The following CFAP74 variants were observed in gnomAD, a reference collection of about 807,000 sequenced individuals.
The protein encoded by CFAP74 is cilia- and flagella-associated protein 74.
A neutral mutation model predicts 188.9 loss-of-function variants in CFAP74; 124 were observed. The observed-to-expected ratio is 0.66, with a 90% CI of 0.57 to 0.76. The LOEUF (loss-of-function observed/expected upper bound fraction) is 0.76, where lower values mean the gene tolerates loss of function less well. CFAP74 is among the 30% of genes least tolerant of loss of function. The pLI, the probability that CFAP74 is intolerant of heterozygous loss-of-function variation, is 0.00. For missense variants in CFAP74, 2,198 were observed against 2,165.2 expected (o/e 1.02, Z -0.30); for synonymous variants, 956 against 916.7 (o/e 1.04, Z -0.77).
intron 18 of CFAP74, among the ~76,000 whole-genome samples, chr1:1,952,511 A>G (rs1654264267): frequency 6.6e-6 from 1 of 152,002 alleles, no homozygotes; most frequent in East Asian, 1.9e-4. Flanking sequence ...ACAGACCAAA[A>G]CTGTATAACA....
chr1:1,923,421 C>G lies in CFAP74; in HGVS notation c.4468G>C (p.Val1490Leu). 6.2e-7 allele frequency: 1 copy of G among 1,602,244 alleles called. No homozygotes were observed. The highest frequency in any genetic ancestry group is 8.5e-7 in the Non-Finnish European group (1 of 1,175,672). ...ATCGCTGTCAGAGACTCCACGGGCACGTCCAGGGGGTCGCCGCCCTCCACG... is the reference window on the plus strand; with the variant it reads ...ATCGCTGTCAGAGACTCCACGGGCAGGTCCAGGGGGTCGCCGCCCTCCACG... ...MFVEGGDPLD[V>L]PVESLTAIPV... The change falls in exon 36 of 39, where the codon GTG becomes CTG. Residue 1490 changes from valine to leucine, a missense_variant. Transcript: ENST00000682832. This position sits in a 1 kb window ranked among gnomAD's most constrained non-coding sequence, Gnocchi z 6.3.
rs375139206 is a variant in CFAP74, at chr1:1,987,627, C to T, written c.297-592G>A. On this transcript the variant is annotated intron_variant, in intron 4 of 38. Coordinates refer to ENST00000682832, the MANE Select transcript of CFAP74 (RefSeq NM_001304360.2). Reference sequence around the variant, plus strand: ...CGCGATCTCGGCTCACTGCAACCTCCGCCCCCCAGGTTCAAGCGATTCTGC... The same window carrying T: ...CGCGATCTCGGCTCACTGCAACCTCTGCCCCCCAGGTTCAAGCGATTCTGC... 4.3e-4 allele frequency among the ~76,000 whole-genome samples: 65 copies of T among 152,060 alleles called. 1 individual carries two copies. Among genetic ancestry groups the T allele is most frequent in the African/African-American group, 1.4e-3 (57 of 41,398 alleles).
chr1:1,950,840 G>A (rs973838509), intron 18 of CFAP74, among the ~76,000 whole-genome samples: 5 of 152,050 alleles, frequency 3.3e-5, no homozygotes, highest in African/African-American at 1.2e-4. Context: ...TTTAAACCAG[G>A]GGCCATAATT....
intron 15 of CFAP74, 122 bp downstream of exon 15, chr1:1,959,842 G>A (rs1397921882): frequency 7.7e-6 from 6 of 776,086 alleles, no homozygotes; most frequent in African/African-American, 7.5e-5. Flanking sequence ...AGGGGCCTGC[G>A]TGATCCTCAC....
At chr1:1,976,725 T>C (rs1656471983) in intron 6 of CFAP74, among the ~76,000 whole-genome samples, 1 of 152,102 alleles carries the variant, frequency 6.6e-6, no homozygotes, top group South Asian at 2.1e-4. Context: ...GTATTTTTAG[T>C]AGAGACGGGG....
chr1:1,980,452 CGA>C (rs1304502850), intron 6 of CFAP74, among the ~76,000 whole-genome samples: 1 of 145,194 alleles, frequency 6.9e-6, no homozygotes, highest in Non-Finnish European at 1.5e-5. Flanking sequence ...GACGGGTGAA[CGA>C]GAGACTGTAT....
intron 25 of CFAP74, among the ~76,000 whole-genome samples, chr1:1,933,047 G>A (rs1347440020): frequency 5.5e-5 from 8 of 144,986 alleles, no homozygotes; most frequent in Non-Finnish European, 1.1e-4. Flanking sequence ...CACCATGCCC[G>A]GCTAATTTTT....
At chr1:1,974,976 C>T (rs549123572) in intron 6 of CFAP74, among the ~76,000 whole-genome samples, 1 of 152,222 alleles carries the variant, frequency 6.6e-6, no homozygotes, top group African/African-American at 2.4e-5. Flanking sequence ...CTGGAGACTG[C>T]GAACGGTTCC....
chr1:1,940,894 C>T (rs1193220756), intron 22 of CFAP74, among the ~76,000 whole-genome samples: 3 of 152,166 alleles, frequency 2.0e-5, no homozygotes, highest in Admixed American at 6.5e-5. Flanking sequence ...GCGCGGATCA[C>T]GAGGTCAGGA....
At position 1,922,328 on chromosome 1, in the gene CFAP74, A is replaced by G; in HGVS notation, c.4879T>C (p.Tyr1627His). 1.2e-6 allele frequency: 2 copies of G among 1,605,910 alleles called. No homozygotes were observed. Among genetic ancestry groups the G allele is most frequent in the Middle Eastern group, 1.7e-4 (1 of 6,018 alleles). ...ACCTGGGCTACAAAGATGACCTTGT[A>G]GGTCTCCTTCACATCCCCCCTTAGC... ...LQLRGDVKETYKVIFVAQVLT... is the reference protein window; with the variant it reads ...LQLRGDVKETHKVIFVAQVLT... The change falls in exon 39 of 39, where the codon TAC becomes CAC. Residue 1627 changes from tyrosine to histidine, a missense_variant. By Grantham distance (83) the Tyr-to-His change is moderately conservative. Coordinates refer to ENST00000682832, the MANE Select transcript of CFAP74 (RefSeq NM_001304360.2).
At chr1:1,952,012 G>A (rs1396035654) in intron 18 of CFAP74, among the ~76,000 whole-genome samples, 3 of 152,196 alleles carry the variant, frequency 2.0e-5, no homozygotes, top group South Asian at 4.1e-4. Flanking sequence ...GGAATTCCAC[G>A]AGAAGCATAG....
chr1:1,966,546 C>T lies in CFAP74; in HGVS notation c.1246-20G>A, dbSNP rs754962202. On this transcript the variant is annotated intron_variant, in intron 11 of 38. Transcript: ENST00000682832. ...GTAGTCCTGCAGTCGGGGAGAGGAA[C>T]ATCGCAAAGACACGCTCATGACAGA... The T allele has an allele frequency of 6.6e-7, 1 of 1,510,864 alleles. No individual in the cohort carries two copies. Among genetic ancestry groups the T allele is most frequent in the South Asian group, 1.3e-5 (1 of 77,612 alleles). The allele number at this position is 1,510,864 out of a possible 1,614,324, so 93.6% of individuals were successfully genotyped here.
At chr1:1,991,843 T>A (rs530927015) in intron 1 of CFAP74, among the ~76,000 whole-genome samples, 50 of 151,952 alleles carry the variant, frequency 3.3e-4, no homozygotes, top group South Asian at 1.0e-3. Context: ...ATCGAGACTA[T>A]CCTGGCTAGC....
rs374616900 is a variant in CFAP74 at position 1,934,741 on chromosome 1, A to G, written c.3011+4114T>C. On this transcript the variant is annotated intron_variant, in intron 25 of 38. Coordinates refer to ENST00000682832, the MANE Select transcript of CFAP74 (RefSeq NM_001304360.2). ...TTAGGCTGTAGGTACACACGTGTGT[A>G]CGTGGGTGTTAGGTTGTAGGTACAC... Among the ~76,000 whole-genome samples the G allele has an allele frequency of 8.1e-5, 9 of 111,486 alleles. No homozygotes were observed. In the East Asian group the frequency reaches 1.8e-3, roughly 22 times the overall value. 73.1% of individuals were successfully genotyped at this position (111,486 alleles called of 152,430 possible).
At position 1,974,090 on chromosome 1, in the gene CFAP74, G is replaced by A. The variant is rs531510505; in HGVS notation, c.609C>T (p.Ala203=). 6.1e-5 allele frequency: 99 copies of A among 1,612,148 alleles called. No homozygotes were observed. In the South Asian group the frequency reaches 8.3e-4, roughly 13 times the overall value. ...CCTCCTGCTCTCTGCAGAGCTGCTC[G>A]GCTGCGCGCACCTGGAGCCGCCGCC... ...ATGRRLQVRA[A]EQLCREQEAL... Residue 203 remains alanine, a synonymous_variant, in exon 7 of 39, where the codon GCC becomes GCT. Coordinates refer to ENST00000682832, the MANE Select transcript of CFAP74 (RefSeq NM_001304360.2).
At chr1:1,940,251 C>T in intron 23 of CFAP74, 65 bp downstream of exon 23, 1 of 1,298,856 alleles carries the variant, frequency 7.7e-7, no homozygotes, top group Admixed American at 2.0e-5. Context: ...CTGGGCCTGG[C>T]CTCCCAGGAA....
At chr1:1,972,117 G>A in intron 8 of CFAP74, 35 bp from the exon 9 acceptor site, 1 of 1,537,288 alleles carries the variant, frequency 6.5e-7, no homozygotes, top group Non-Finnish European at 9.0e-7. Context: ...TTGAGGCTCT[G>A]TCGCCCAGGC....
intron 28 of CFAP74, 70 bp from the exon 29 acceptor site, chr1:1,927,098 C>G: frequency 6.6e-7 from 1 of 1,521,784 alleles, no homozygotes; most frequent in Non-Finnish European, 8.9e-7. Flanking sequence ...CGGACCCCTG[C>G]GGCTCTGCCT....
rs1656123110 is a variant in CFAP74, at chr1:1,972,054, TCTC to T, written c.811_813del (p.Glu271del). 4.3e-6 allele frequency: 7 copies of T among 1,612,946 alleles called. No homozygotes were observed. Among genetic ancestry groups the T allele is most frequent in the Non-Finnish European group, 5.9e-6 (7 of 1,179,906 alleles). Reference sequence around the variant, plus strand: ...CGCCTCATGTACTCGTGGCACTCCATCTCCTCCTTCTTCTCTTGCTCTCGGATT... The same window carrying T: ...CGCCTCATGTACTCGTGGCACTCCATCTCCTTCTTCTCTTGCTCTCGGATT... On this transcript the variant is annotated inframe_deletion, in exon 9 of 39. Coordinates refer to ENST00000682832, the MANE Select transcript of CFAP74 (RefSeq NM_001304360.2).
Sources: gnomAD v4.1 joint callset for allele counts (sites outside exome capture counted in the v4.1 genomes callset) on GRCh38, gnomAD v4.1.1 for gene constraint, Gnocchi (gnomAD v3.1) non-coding constraint, MANE v1.5 for transcripts, NCBI Gene and HGNC (gene_info 2026-07-23, HGNC 2026-07-21) for gene names.